RNF24: variants seen among roughly 807,000 people sequenced by gnomAD.
RNF24 encodes ring finger protein 24.
RNF24 carries 14 observed loss-of-function variants against 20.0 expected under a neutral mutation model. That is an observed-to-expected ratio of 0.70 (90% CI 0.46 to 1.10). The LOEUF (loss-of-function observed/expected upper bound fraction) is 1.10. Among genes scored for constraint, RNF24 ranks in the 50% least tolerant of loss-of-function variants. The probability of loss-of-function intolerance (pLI) is 0.00; values close to 1 mark genes in which losing one functional copy is unlikely to be tolerated. For missense variants in RNF24, 124 were observed against 177.6 expected (o/e 0.70, Z 1.71); for synonymous variants, 45 against 61.1 (o/e 0.74, Z 1.23).
chr20:3,951,738 G>C (rs527631682), intron 2 of RNF24, among the ~76,000 whole-genome samples: 1 of 152,080 alleles, frequency 6.6e-6, no homozygotes, highest in African/African-American at 2.4e-5. Flanking sequence ...ATGGATATTG[G>C]TTGTAATCTA....
At chr20:3,988,794 G>C (rs918991397) in intron 1 of RNF24, among the ~76,000 whole-genome samples, 1 of 152,074 alleles carries the variant, frequency 6.6e-6, no homozygotes, top group African/African-American at 2.4e-5. Context: ...TTGGATAATA[G>C]ATTATGTTAT....
rs2090849761 is a variant in RNF24, at chr20:3,933,429, T to C, written c.*634A>G. The C allele has an allele frequency of 5.4e-6, 2 of 372,844 alleles. No homozygotes were observed. The highest frequency in any genetic ancestry group is 4.6e-5 in the Admixed American group (1 of 21,922). The allele number at this position is 372,844 out of a possible 1,614,324, so 23.1% of individuals were successfully genotyped here. On this transcript the variant is annotated 3_prime_UTR_variant, in exon 6 of 6. Transcript: ENST00000358395. ...GGAAATGATAAGAGGAAATGGCTTC[T>C]GACTAGGCCTTTCCAAGCGCATCTC...
chr20:4,001,981 G>A (rs905672650), intron 1 of RNF24, among the ~76,000 whole-genome samples: 9 of 151,786 alleles, frequency 5.9e-5, no homozygotes, highest in Admixed American at 2.6e-4. Context: ...GGCCGGGCGC[G>A]GTGGCTGACA....
intron 3 of RNF24, among the ~76,000 whole-genome samples, chr20:3,947,562 C>A (rs896759458): frequency 3.3e-5 from 5 of 152,176 alleles, no homozygotes; most frequent in African/African-American, 1.2e-4. Flanking sequence ...TCGCTCACCT[C>A]CGAGGAACTG....
rs530428894 is a variant in RNF24 at position 3,944,079 on chromosome 20, G to A, written c.228+1098C>T. ...ACAAAAATTAGCTGGGTGTGGTGGC[G>A]CATGCCTATAATCCTAGCTACTCGA... On this transcript the variant is annotated intron_variant, in intron 4 of 5. Transcript: ENST00000358395. Among the ~76,000 whole-genome samples the A allele has an allele frequency of 1.9e-3, 287 of 152,002 alleles. 2 individuals are homozygous for A. The highest frequency in any genetic ancestry group is 6.5e-3 in the African/African-American group (271 of 41,460).
intron 1 of RNF24, among the ~76,000 whole-genome samples, chr20:3,980,243 A>G (rs116402738): frequency 1.3e-5 from 2 of 152,228 alleles, no homozygotes; most frequent in Admixed American, 6.5e-5. Context: ...GGAACTCGCT[A>G]AACTTGCATA....
intron 1 of RNF24, among the ~76,000 whole-genome samples, chr20:4,005,614 T>A (rs549219527): frequency 6.6e-6 from 1 of 152,324 alleles, no homozygotes; most frequent in African/African-American, 2.4e-5. Context: ...CAGTCCAAGA[T>A]AAAGAGACTA....
At chr20:3,956,950 C>A (rs2091149262) in intron 2 of RNF24, among the ~76,000 whole-genome samples, 1 of 152,066 alleles carries the variant, frequency 6.6e-6, no homozygotes, top group South Asian at 2.1e-4. Context: ...CACTCAAGCC[C>A]AGGCTGAGGA....
Position 3,934,846 on chromosome 20 carries a change from T to A in RNF24, c.308+148A>T. 4.8e-6 allele frequency: 3 copies of A among 629,848 alleles called. No homozygotes were observed. Among genetic ancestry groups the A allele is most frequent in the Non-Finnish European group, 8.8e-6 (3 of 342,490 alleles). The allele number at this position is 629,848 out of a possible 1,614,324, so 39.0% of individuals were successfully genotyped here. ...CTAATGTCACGCACACACACACACATCCCACCTGTAGGGTGCTGTCAGCTT... is the reference window on the plus strand; with the variant it reads ...CTAATGTCACGCACACACACACACAACCCACCTGTAGGGTGCTGTCAGCTT... On this transcript the variant is annotated intron_variant, in intron 5 of 5. Coordinates refer to ENST00000358395, the MANE Select transcript of RNF24 (RefSeq NM_001134337.3). The surrounding 1 kb of genome is among the most constrained non-coding windows in gnomAD (Gnocchi z 4.0).
chr20:3,974,794 A>T, intron 1 of RNF24, among the ~76,000 whole-genome samples: 1 of 152,214 alleles, frequency 6.6e-6, no homozygotes, highest in Non-Finnish European at 1.5e-5. Flanking sequence ...TACTATGTTC[A>T]TGGATTTGAA....
chr20:3,949,012 T>G (rs1386038637), intron 2 of RNF24, among the ~76,000 whole-genome samples: 2 of 152,262 alleles, frequency 1.3e-5, no homozygotes, highest in African/African-American at 4.8e-5. Context: ...ACACAAATTC[T>G]ACATGTCTTT....
intron 1 of RNF24, among the ~76,000 whole-genome samples, chr20:3,966,303 C>T (rs2091257316): frequency 6.6e-6 from 1 of 152,080 alleles, no homozygotes; most frequent in East Asian, 1.9e-4. Flanking sequence ...AGCTAAATGT[C>T]AGAGCTTGGC....
chr20:3,969,220 T>C (rs1285291261), intron 1 of RNF24, among the ~76,000 whole-genome samples: 1 of 152,118 alleles, frequency 6.6e-6, no homozygotes, highest in Non-Finnish European at 1.5e-5. Flanking sequence ...TTAACTAAAA[T>C]GCAACAATAA....
intron 1 of RNF24, among the ~76,000 whole-genome samples, chr20:4,004,309 A>G (rs1423851733): frequency 2.6e-5 from 4 of 152,010 alleles, no homozygotes; most frequent in African/African-American, 9.7e-5. Context: ...ATATTTTTCC[A>G]CACTTTGTAT....
intron 2 of RNF24, among the ~76,000 whole-genome samples, chr20:3,960,038 G>A (rs2091184538): frequency 6.6e-6 from 1 of 152,170 alleles, no homozygotes; most frequent in South Asian, 2.1e-4. Flanking sequence ...CCTGTTCACA[G>A]CCCTACCATA....
At chr20:3,991,291 G>A (rs1476710971) in intron 1 of RNF24, among the ~76,000 whole-genome samples, 11 of 117,646 alleles carry the variant, frequency 9.4e-5, no homozygotes, top group Non-Finnish European at 1.3e-4. Flanking sequence ...TCGCTCTGCC[G>A]CCCAGGCTGG....
chr20:3,958,339 T>C (rs906894938), intron 2 of RNF24, among the ~76,000 whole-genome samples: 2 of 152,156 alleles, frequency 1.3e-5, no homozygotes, highest in African/African-American at 4.8e-5. Context: ...ACTAAAATAC[T>C]TCCTTGATTC....
At chr20:4,006,628 T>C (rs1057245509) in intron 1 of RNF24, among the ~76,000 whole-genome samples, 2 of 152,230 alleles carry the variant, frequency 1.3e-5, no homozygotes, top group African/African-American at 4.8e-5. Context: ...AAATTCAAAT[T>C]ACATTAAATT....
In RNF24 at chr20:3,929,450, A is replaced by G. The variant is rs1445252740; in HGVS notation, c.*4613T>C. On this transcript the variant is annotated 3_prime_UTR_variant, in exon 6 of 6. Coordinates refer to ENST00000358395, the MANE Select transcript of RNF24 (RefSeq NM_001134337.3). ...GTAGCTCCATGAACTGACGCTGGAC[A>G]TTCAGGCATATCCACATGAGACTCA... The G allele has an allele frequency of 6.6e-6, 1 of 152,318 alleles. No homozygotes were observed. The highest frequency in any genetic ancestry group is 1.5e-5 in the Non-Finnish European group (1 of 68,092). The allele number at this position is 152,318 out of a possible 1,614,324, so 9.4% of individuals were successfully genotyped here.
Sources: gnomAD v4.1 joint callset for allele counts (sites outside exome capture counted in the v4.1 genomes callset) on GRCh38, gnomAD v4.1.1 for gene constraint, Gnocchi (gnomAD v3.1) non-coding constraint, MANE v1.5 for transcripts, NCBI Gene and HGNC (gene_info 2026-07-23, HGNC 2026-07-21) for gene names.